The following CDH12 variants were observed in gnomAD, a reference collection of about 807,000 sequenced individuals.
CDH12 encodes cadherin-12.
A neutral mutation model predicts 74.1 loss-of-function variants in CDH12; 41 were observed. That is an observed-to-expected ratio of 0.55 (90% CI 0.43 to 0.72). CDH12 has a LOEUF of 0.72. Among genes scored for constraint, CDH12 ranks in the 30% least tolerant of loss-of-function variants. CDH12 has a pLI of 0.00. For synonymous variants in CDH12, 399 were observed against 355.0 expected (o/e 1.12, Z -1.39); for missense variants, 945 against 977.2 (o/e 0.97, Z 0.44).
chr5:21,766,910 G>A (rs1289108195), intron 11 of CDH12, among the ~76,000 whole-genome samples: 1 of 151,748 alleles, frequency 6.6e-6, no homozygotes, highest in East Asian at 1.9e-4. Context: ...AGACAGGGAT[G>A]TAATTTCTCA....
chr5:22,251,061 T>C (rs1753115329), intron 3 of CDH12, among the ~76,000 whole-genome samples: 2 of 152,272 alleles, frequency 1.3e-5, no homozygotes, highest in South Asian at 4.1e-4. Flanking sequence ...CTGATGAAAT[T>C]TAAGAATGCA....
At chr5:21,807,265 C>T (rs1354376205) in intron 9 of CDH12, among the ~76,000 whole-genome samples, 1 of 152,114 alleles carries the variant, frequency 6.6e-6, no homozygotes, top group Non-Finnish European at 1.5e-5. Flanking sequence ...TCAGCAGCAC[C>T]CATTTGCTAG....
intron 5 of CDH12, among the ~76,000 whole-genome samples, chr5:22,025,318 T>G (rs1477481388): frequency 1.3e-5 from 2 of 152,156 alleles, no homozygotes; most frequent in Non-Finnish European, 2.9e-5. Flanking sequence ...CCCAGTGTAA[T>G]AAAGGAAATA....
chr5:21,808,992 A>G, intron 9 of CDH12, among the ~76,000 whole-genome samples: 1 of 152,226 alleles, frequency 6.6e-6, no homozygotes, highest in Non-Finnish European at 1.5e-5. Context: ...TAAGAAACAT[A>G]TAATTACTAG....
At chr5:22,185,624 G>A (rs889369244) in intron 4 of CDH12, among the ~76,000 whole-genome samples, 4 of 152,094 alleles carry the variant, frequency 2.6e-5, no homozygotes, top group Non-Finnish European at 4.4e-5. Flanking sequence ...ACACATTTCC[G>A]TGTATAAGTG....
chr5:22,699,255 A>T (rs1742583432), intron 1 of CDH12, among the ~76,000 whole-genome samples: 1 of 151,844 alleles, frequency 6.6e-6, no homozygotes, highest in African/African-American at 2.4e-5. Flanking sequence ...AATATTTAAA[A>T]ATCTTTAATG....
chr5:22,305,853 C>T (rs144012043), intron 3 of CDH12, among the ~76,000 whole-genome samples: 1 of 152,276 alleles, frequency 6.6e-6, no homozygotes, highest in Admixed American at 6.5e-5. Flanking sequence ...TACCTTGATC[C>T]TGGCTGTCCT....
chr5:22,308,922 AG>A lies in CDH12; in HGVS notation c.-332-96280del, dbSNP rs1738256768. On this transcript the variant is annotated intron_variant, in intron 3 of 14. Coordinates refer to ENST00000382254, the MANE Select transcript of CDH12 (RefSeq NM_004061.5). ...AGGAGAGAGAGGAGAGAGAGAGAGG[AG>A]AGAGAGAGAAAGAGAGAGAGAGAGG... is the stretch of plus-strand genomic sequence containing the variant. 2.1e-4 allele frequency among the ~76,000 whole-genome samples: 5 copies of A among 23,924 alleles called. No homozygotes were observed. In the Admixed American group the frequency reaches 3.9e-3, roughly 19 times the overall value. 15.7% of individuals were successfully genotyped at this position (23,924 alleles called of 152,430 possible).
intron 3 of CDH12, among the ~76,000 whole-genome samples, chr5:22,217,737 T>C (rs1215408932): frequency 6.6e-6 from 1 of 151,766 alleles, no homozygotes; most frequent in Non-Finnish European, 1.5e-5. Context: ...TTAGCAATGA[T>C]TTTAAAATGC....
At chr5:22,635,617 T>C (rs945923362) in intron 1 of CDH12, among the ~76,000 whole-genome samples, 2 of 152,130 alleles carry the variant, frequency 1.3e-5, no homozygotes, top group African/African-American at 4.8e-5. Context: ...CTAGAATAAA[T>C]ATACAAATAT....
chr5:22,548,591 T>G (rs1738430857), intron 1 of CDH12, among the ~76,000 whole-genome samples: 1 of 152,122 alleles, frequency 6.6e-6, no homozygotes. Context: ...TGTCTCTCCC[T>G]GTGTTCCCTT....
At chr5:22,531,226 A>C (rs771002990) in intron 1 of CDH12, among the ~76,000 whole-genome samples, 1 of 152,140 alleles carries the variant, frequency 6.6e-6, no homozygotes, top group Non-Finnish European at 1.5e-5. Flanking sequence ...ACTTATACAA[A>C]AATTTTGGGG....
intron 1 of CDH12, among the ~76,000 whole-genome samples, chr5:22,785,574 C>T (rs538781104): frequency 6.6e-6 from 1 of 152,228 alleles, no homozygotes; most frequent in East Asian, 1.9e-4. Context: ...TTCTTGAATG[C>T]AGTGGTGCAA....
At chr5:22,428,323 T>A (rs954481217) in intron 2 of CDH12, among the ~76,000 whole-genome samples, 3 of 152,110 alleles carry the variant, frequency 2.0e-5, no homozygotes, top group African/African-American at 7.2e-5. Flanking sequence ...CCATTAAAAG[T>A]CTATATTTTA....
Position 22,732,463 on chromosome 5 carries a change from TATATATATACACAC to T in CDH12, c.-523+120581_-523+120594del, listed in dbSNP as rs1253844313. ...ACATATGTGAATGTGTGTGTATATA[TATATATATACACAC>T]ACACACACACACACACACACACACA... On this transcript the variant is annotated intron_variant, in intron 1 of 14. Coordinates refer to ENST00000382254, the MANE Select transcript of CDH12 (RefSeq NM_004061.5). 5.8e-4 allele frequency among the ~76,000 whole-genome samples: 57 copies of T among 98,326 alleles called. 1 individual carries two copies. The highest frequency in any genetic ancestry group is 2.0e-3 in the African/African-American group (44 of 22,410). 64.5% of individuals were successfully genotyped at this position (98,326 alleles called of 152,430 possible). A position where few individuals can be genotyped will look rare whatever the true frequency, so the allele number is the denominator to read the frequency against.
chr5:22,615,732 T>C (rs1167210968), intron 1 of CDH12, among the ~76,000 whole-genome samples: 1 of 152,164 alleles, frequency 6.6e-6, no homozygotes, highest in East Asian at 1.9e-4. Flanking sequence ...TAATTTTTCC[T>C]TTTCAGTACA....
intron 3 of CDH12, among the ~76,000 whole-genome samples, chr5:22,259,959 G>A (rs895428708): frequency 1.3e-5 from 2 of 152,068 alleles, no homozygotes; most frequent in Admixed American, 6.6e-5. Context: ...AAGAAAAAGG[G>A]CAAAAGCGTA....
At chr5:22,718,459 A>G (rs1168522266) in intron 1 of CDH12, among the ~76,000 whole-genome samples, 2 of 152,348 alleles carry the variant, frequency 1.3e-5, no homozygotes, top group African/African-American at 2.4e-5. Flanking sequence ...GGCTTAAGGA[A>G]TAACGGTTGA....
At chr5:22,733,598 G>A (rs765311104) in intron 1 of CDH12, among the ~76,000 whole-genome samples, 2 of 151,752 alleles carry the variant, frequency 1.3e-5, no homozygotes, top group Non-Finnish European at 2.9e-5. Flanking sequence ...TTAAATTGAT[G>A]TGCATCAATT....
Sources: gnomAD v4.1 joint callset for allele counts (sites outside exome capture counted in the v4.1 genomes callset) on GRCh38, gnomAD v4.1.1 for gene constraint, MANE v1.5 for transcripts, NCBI Gene and HGNC (gene_info 2026-07-23, HGNC 2026-07-21) for gene names.